Variants in HNRNPD observed in about 807,000 individuals in gnomAD.
HNRNPD encodes the protein heterogeneous nuclear ribonucleoprotein D0.
HNRNPD carries 3 observed loss-of-function variants against 47.9 expected under a neutral mutation model. That is an observed-to-expected ratio of 0.06 (90% confidence interval 0.03 to 0.16). The LOEUF is 0.16. Among genes scored for constraint, HNRNPD ranks in the 10% least tolerant of loss-of-function variants. HNRNPD has a pLI of 1.00. For missense variants in HNRNPD, 287 were observed against 454.2 expected (o/e 0.63, Z 3.35); for synonymous variants, 171 against 165.1 (o/e 1.04, Z -0.28).
At position 82,373,532 on chromosome 4, in the gene HNRNPD, G is replaced by T. The variant is rs1252424497; in HGVS notation, c.147C>A (p.Gly49=). Residue 49 remains glycine, a synonymous_variant, in exon 1 of 9, where the codon GGC becomes GGA. Coordinates refer to ENST00000313899, the MANE Select transcript of HNRNPD (RefSeq NM_031370.3). Reference sequence around the variant, plus strand: ...CTTCGGTGCCTCCAGACGCGGTTCCGCCCCCGGTCCCGGCTCCGCTTCCCG... The same window carrying T: ...CTTCGGTGCCTCCAGACGCGGTTCCTCCCCCGGTCCCGGCTCCGCTTCCCG... ...AAAGSGAGTG[G]GTASGGTEGG... The T allele has an allele frequency of 1.9e-6, 3 of 1,538,622 alleles. No individual in the cohort carries two copies. In the African/African-American group the frequency reaches 4.2e-5, roughly 22 times the overall value.
intron 3 of HNRNPD, 94 bp from the exon 4 acceptor site, chr4:82,358,914 A>C (rs1257154231): frequency 1.1e-6 from 1 of 916,144 alleles, no homozygotes; most frequent in East Asian, 2.7e-5. Flanking sequence ...AATACAGATA[A>C]TGCCAAGCAT....
intron 2 of HNRNPD, among the ~76,000 whole-genome samples, chr4:82,367,872 G>A (rs879904292): frequency 9.2e-5 from 14 of 152,300 alleles, no homozygotes; most frequent in Non-Finnish European, 1.9e-4. Context: ...TATGAAAGCA[G>A]GCTATGTAGT....
chr4:82,371,387 T>C (rs1272892324), intron 2 of HNRNPD, 141 bp downstream of exon 2: 1 of 570,102 alleles, frequency 1.8e-6, no homozygotes, highest in African/African-American at 1.9e-5. Flanking sequence ...ATAAAAGGTA[T>C]ATATCCCAGG....
At chr4:82,373,101 T>G in intron 1 of HNRNPD, 6 of 516,078 alleles carry the variant, frequency 1.2e-5, no homozygotes, top group East Asian at 5.2e-5. Context: ...GGGGACAGCA[T>G]GGAAAGAAAA....
chr4:82,357,760 A>G (rs1018015467), intron 4 of HNRNPD: 47 of 196,152 alleles, frequency 2.4e-4, no homozygotes, highest in Non-Finnish European at 4.1e-4. Context: ...AGAAAAACAG[A>G]ATAAAAATGT....
intron 1 of HNRNPD, among the ~76,000 whole-genome samples, chr4:82,372,498 A>G (rs1252703772): frequency 1.3e-5 from 2 of 152,172 alleles, no homozygotes; most frequent in African/African-American, 4.8e-5. Context: ...AAGACACCAA[A>G]ATAGGATCCT....
In HNRNPD at chr4:82,353,124, C is replaced by T; in HGVS notation, c.*1061G>A. The T allele has an allele frequency of 6.6e-6, 1 of 152,084 alleles. No individual in the cohort carries two copies. The highest frequency in any genetic ancestry group is 1.9e-4 in the East Asian group (1 of 5,186). 9.4% of individuals were successfully genotyped at this position (152,084 alleles called of 1,614,324 possible). ...ATAACAGAACTCAAGAAGCTTCCAA[C>T]AAATGACAGGAAAAACAATTCTGAC... is the stretch of plus-strand genomic sequence containing the variant. On this transcript the variant is annotated 3_prime_UTR_variant, in exon 9 of 9. Transcript: ENST00000313899.
chr4:82,365,849 A>G (rs945467353), intron 2 of HNRNPD, among the ~76,000 whole-genome samples: 3 of 141,644 alleles, frequency 2.1e-5, no homozygotes, highest in Non-Finnish European at 4.5e-5. Flanking sequence ...TCCTGGGTTC[A>G]ATCTGCCCAC....
At chr4:82,367,973 A>G (rs1317952873) in intron 2 of HNRNPD, among the ~76,000 whole-genome samples, 1 of 152,232 alleles carries the variant, frequency 6.6e-6, no homozygotes, top group East Asian at 1.9e-4. Flanking sequence ...CACTGTTGGA[A>G]GTGAAGCAAC....
Position 82,373,774 on chromosome 4 carries a change from C to T in HNRNPD, c.-96G>A. ...GTAATCCCCGCCGCTGCCGCGCGCC[C>T]GCTCTACCTCGCGAAGCACACAAGA... On this transcript the variant is annotated 5_prime_UTR_variant, in exon 1 of 9. Coordinates refer to ENST00000313899, the MANE Select transcript of HNRNPD (RefSeq NM_031370.3). The T allele has an allele frequency of 6.6e-7, 1 of 1,525,932 alleles. No homozygotes were observed. The allele number at this position is 1,525,932 out of a possible 1,614,324, so 94.5% of individuals were successfully genotyped here.
At chr4:82,358,851 T>C (rs1349784048) in intron 3 of HNRNPD, 31 bp from the exon 4 acceptor site, 6 of 1,485,966 alleles carry the variant, frequency 4.0e-6, no homozygotes, top group Middle Eastern at 1.9e-4. Context: ...ATTTAAAAAA[T>C]ATATATCTTA....
chr4:82,373,928 G>A lies in HNRNPD; in HGVS notation c.-250C>T. 1.1e-6 allele frequency: 1 copy of A among 919,346 alleles called. No individual in the cohort carries two copies. Among genetic ancestry groups the A allele is most frequent in the Non-Finnish European group, 1.5e-6 (1 of 656,768 alleles). The allele number at this position is 919,346 out of a possible 1,614,324, so 56.9% of individuals were successfully genotyped here. On this transcript the variant is annotated 5_prime_UTR_variant, in exon 1 of 9. Coordinates refer to ENST00000313899, the MANE Select transcript of HNRNPD (RefSeq NM_031370.3). ...GCACTAAAAAAGAATAAGCACCAGC[G>A]GCGGCCGCTCTCGCCTCCTCCTCGC...
chr4:82,353,504 T>C lies in HNRNPD; in HGVS notation c.*681A>G, dbSNP rs990857374. The stretch of plus-strand genomic sequence containing the variant: ...AACTATCTGTGCAAAGGGGTACTTT[T>C]GCACATTTATCCAGATTTGTTCTAA... On this transcript the variant is annotated 3_prime_UTR_variant, in exon 9 of 9. Transcript: ENST00000313899. 1.3e-5 allele frequency: 2 copies of C among 152,626 alleles called. No homozygotes were observed. Among genetic ancestry groups the C allele is most frequent in the Non-Finnish European group, 2.9e-5 (2 of 68,030 alleles). 9.5% of individuals were successfully genotyped at this position (152,626 alleles called of 1,614,324 possible). A position where few individuals can be genotyped will look rare whatever the true frequency, so the allele number is the denominator to read the frequency against.
At chr4:82,367,086 G>GA (rs1181891213) in intron 2 of HNRNPD, among the ~76,000 whole-genome samples, 1 of 142,712 alleles carries the variant, frequency 7.0e-6, no homozygotes, top group East Asian at 2.1e-4. Context: ...AGCTGGTCTA[G>GA]AAATCCTGGC....
In HNRNPD at chr4:82,373,631, C is replaced by T. The variant is rs759680796; in HGVS notation, c.48G>A (p.Thr16=). Residue 16 remains threonine, a synonymous_variant, in exon 1 of 9, where the codon ACG becomes ACA. Coordinates refer to ENST00000313899, the MANE Select transcript of HNRNPD (RefSeq NM_031370.3). The stretch of plus-strand genomic sequence containing the variant: ...CGCCCGCCGAGCCGCCTACCGCCGC[C>T]GTTGCCGCTGCCGCCGCCCCGTCCC... ...FGGDGAAAAA[T]AAVGGSAGEQ... The T allele has an allele frequency of 1.6e-4, 239 of 1,526,954 alleles. 1 individual carries two copies. The Middle Eastern group carries it at 2.8e-3, about 18-fold the overall frequency. The allele number at this position is 1,526,954 out of a possible 1,614,324, so 94.6% of individuals were successfully genotyped here. A position where few individuals can be genotyped will look rare whatever the true frequency, so the allele number is the denominator to read the frequency against.
intron 2 of HNRNPD, among the ~76,000 whole-genome samples, chr4:82,365,775 T>A (rs1249268630): frequency 7.0e-6 from 1 of 141,952 alleles, no homozygotes; most frequent in South Asian, 2.3e-4. Context: ...CAGCTAATTT[T>A]TTTTTTTTTT....
chr4:82,354,448 A>AT lies in HNRNPD; in HGVS notation c.*31-295dup, dbSNP rs995176150. The AT allele has an allele frequency of 4.6e-5, 7 of 152,628 alleles. 1 individual carries two copies. The highest frequency in any genetic ancestry group is 1.7e-4 in the African/African-American group (7 of 41,472). 9.5% of individuals were successfully genotyped at this position (152,628 alleles called of 1,614,324 possible). A position where few individuals can be genotyped will look rare whatever the true frequency, so the allele number is the denominator to read the frequency against. On this transcript the variant is annotated intron_variant, in intron 8 of 8. Coordinates refer to ENST00000313899, the MANE Select transcript of HNRNPD (RefSeq NM_031370.3). ...AAAAAGGTCAATTTGGTAAAAGGACATTTTGACCCAAGAGCATCTAATATT... is the reference window on the plus strand; with the variant it reads ...AAAAAGGTCAATTTGGTAAAAGGACATTTTTGACCCAAGAGCATCTAATATT...
At chr4:82,371,004 AC>A (rs1243304329) in intron 2 of HNRNPD, among the ~76,000 whole-genome samples, 2 of 151,586 alleles carry the variant, frequency 1.3e-5, no homozygotes, top group Non-Finnish European at 2.9e-5. Context: ...ACACACACAC[AC>A]TTCTTATTAA....
intron 8 of HNRNPD, chr4:82,354,760 T>C (rs896371546): frequency 6.5e-6 from 1 of 152,836 alleles, no homozygotes; most frequent in Non-Finnish European, 1.5e-5. Context: ...TATTTAACCA[T>C]TACTGGGCCT....
Sources: gnomAD v4.1 joint callset for allele counts (sites outside exome capture counted in the v4.1 genomes callset) on GRCh38, gnomAD v4.1.1 for gene constraint, MANE v1.5 for transcripts, NCBI Gene and HGNC (gene_info 2026-07-23, HGNC 2026-07-21) for gene names.